Variants in PTPN12 observed in about 807,000 individuals in gnomAD.
The protein encoded by PTPN12 is protein tyrosine phosphatase non-receptor type 12.
PTPN12 carries 29 observed loss-of-function variants against 97.6 expected under a neutral mutation model. That is an observed-to-expected ratio of 0.30 (90% confidence interval 0.22 to 0.41). The LOEUF (loss-of-function observed/expected upper bound fraction) is 0.41. Among genes scored for constraint, PTPN12 ranks in the 10% least tolerant of loss-of-function variants. PTPN12 has a pLI of 1.00. For missense variants in PTPN12, 819 were observed against 926.0 expected (o/e 0.88, Z 1.50); for synonymous variants, 327 against 300.4 (o/e 1.09, Z -0.91).
chr7:77,632,250 A>T, intron 13 of PTPN12, 98 bp from the exon 14 acceptor site: 1 of 915,874 alleles, frequency 1.1e-6, no homozygotes, highest in Non-Finnish European at 1.8e-6. Flanking sequence ...AAACTGATCT[A>T]GATATTTGTG....
chr7:77,624,919 G>A (rs1232135428), intron 12 of PTPN12, among the ~76,000 whole-genome samples: 1 of 151,862 alleles, frequency 6.6e-6, no homozygotes, highest in Admixed American at 6.6e-5. Context: ...CAAATCACTT[G>A]AGGCCAGGAG....
At chr7:77,596,131 T>G (rs1293341468) in intron 6 of PTPN12, among the ~76,000 whole-genome samples, 1 of 152,232 alleles carries the variant, frequency 6.6e-6, no homozygotes, top group Non-Finnish European at 1.5e-5. Context: ...GGTTACTACT[T>G]TGCAGATATT....
intron 6 of PTPN12, among the ~76,000 whole-genome samples, chr7:77,592,746 A>T (rs1787906773): frequency 6.6e-6 from 1 of 152,202 alleles, no homozygotes; most frequent in South Asian, 2.1e-4. Context: ...ATGAAACTTA[A>T]AATGTTTTCT....
At chr7:77,625,474 TCTC>T (rs1213381518) in intron 12 of PTPN12, among the ~76,000 whole-genome samples, 1 of 29,166 alleles carries the variant, frequency 3.4e-5, no homozygotes, top group African/African-American at 1.6e-4. Context: ...GGCTGCTCGC[TCTC>T]TCTCTCTCTC....
At chr7:77,580,150 G>T (rs1275960090) in intron 2 of PTPN12, among the ~76,000 whole-genome samples, 1 of 152,170 alleles carries the variant, frequency 6.6e-6, no homozygotes, top group East Asian at 1.9e-4. Context: ...GGAATTCTCT[G>T]TTACACTAAA....
chr7:77,634,560 C>G (rs1490734308), intron 14 of PTPN12, among the ~76,000 whole-genome samples: 2 of 151,916 alleles, frequency 1.3e-5, no homozygotes, highest in Non-Finnish European at 2.9e-5. Context: ...CTGCCTCAGC[C>G]TCCCATGTAG....
In PTPN12 at chr7:77,546,235, A is replaced by G. The variant is rs148367473; in HGVS notation, c.99+8590A>G. ...TTCACCATGTTCACCAAAAACTCAG[A>G]AGCAAAAATGTGATTAATTCTCACC... is the stretch of plus-strand genomic sequence containing the variant. On this transcript the variant is annotated intron_variant, in intron 1 of 17. Transcript: ENST00000248594. Among the ~76,000 whole-genome samples the G allele has an allele frequency of 5.1e-4, 78 of 152,356 alleles. 1 individual carries two copies. In the East Asian group the frequency reaches 0.015, roughly 29 times the overall value.
At chr7:77,570,094 G>T (rs1808411546) in intron 1 of PTPN12, among the ~76,000 whole-genome samples, 1 of 152,146 alleles carries the variant, frequency 6.6e-6, no homozygotes, top group African/African-American at 2.4e-5. Context: ...CTTTGACATT[G>T]TGCCAGTGCA....
rs1253406174 is a variant in PTPN12, at chr7:77,627,519, G to A, written c.1840G>A (p.Asp614Asn). The A allele has an allele frequency of 2.5e-6, 4 of 1,614,078 alleles. No homozygotes were observed. Among genetic ancestry groups the A allele is most frequent in the African/African-American group, 1.3e-5 (1 of 75,034 alleles). The change falls in exon 13 of 18, where the codon GAT becomes AAT. Residue 614 changes from aspartate (D) to asparagine (N), a missense_variant. Transcript: ENST00000248594. ...CTCAGACTCAGATGAAAGAAACTCT[G>A]ATGGTGCTGTGACCCAGAATAAAAC... The part of the protein sequence containing the change: ...DDSDSDERNS[D>N]GAVTQNKTNI...
chr7:77,634,509 G>A (rs1329730441), intron 14 of PTPN12, among the ~76,000 whole-genome samples: 1 of 151,844 alleles, frequency 6.6e-6, no homozygotes, highest in African/African-American at 2.4e-5. Flanking sequence ...GCACGATCTC[G>A]GCTCACTGCA....
At chr7:77,577,132 G>A (rs752746817) in intron 2 of PTPN12, among the ~76,000 whole-genome samples, 4 of 152,140 alleles carry the variant, frequency 2.6e-5, no homozygotes, top group African/African-American at 7.2e-5. Flanking sequence ...GAGAACAGGC[G>A]GCTACATTTT....
intron 14 of PTPN12, among the ~76,000 whole-genome samples, chr7:77,633,627 A>C (rs2151406330): frequency 6.6e-6 from 1 of 151,376 alleles, no homozygotes; most frequent in East Asian, 2.0e-4. Context: ...AAAAAGTAGC[A>C]CTTATTTATG....
intron 1 of PTPN12, among the ~76,000 whole-genome samples, chr7:77,540,169 C>T (rs146523559): frequency 8.9e-4 from 135 of 152,066 alleles, no homozygotes; most frequent in African/African-American, 3.0e-3. Flanking sequence ...GAGAAGTGGC[C>T]TTAGGGTTCA....
chr7:77,555,605 T>G (rs1416157572), intron 1 of PTPN12, among the ~76,000 whole-genome samples: 1 of 152,154 alleles, frequency 6.6e-6, no homozygotes, highest in Non-Finnish European at 1.5e-5. Flanking sequence ...TTGTTACAGT[T>G]TTTTAAAAAA....
chr7:77,578,937 A>T (rs1787422155), intron 2 of PTPN12, among the ~76,000 whole-genome samples: 1 of 152,126 alleles, frequency 6.6e-6, no homozygotes, highest in South Asian at 2.1e-4. Context: ...TAACCAAGTG[A>T]CCAAGGTTAA....
intron 8 of PTPN12, among the ~76,000 whole-genome samples, chr7:77,605,945 C>CTTTTTTTTTTT (rs10648385): frequency 5.8e-5 from 3 of 51,896 alleles, no homozygotes; most frequent in Non-Finnish European, 3.3e-5. Context: ...CAAGAGCCAT[C>CTTTTTTTTTTT]TTTTTTTTTT....
At chr7:77,557,010 A>G (rs1807749618) in intron 1 of PTPN12, among the ~76,000 whole-genome samples, 1 of 151,790 alleles carries the variant, frequency 6.6e-6, no homozygotes, top group African/African-American at 2.4e-5. Context: ...GCTGTTGTCC[A>G]GGCTGGAGTG....
At chr7:77,626,366 G>A (rs1489574228) in intron 12 of PTPN12, among the ~76,000 whole-genome samples, 2 of 152,196 alleles carry the variant, frequency 1.3e-5, no homozygotes, top group Non-Finnish European at 2.9e-5. Context: ...GAAAATGTGT[G>A]AAACAAAGAT....
chr7:77,609,530 A>G (rs1362052258), intron 9 of PTPN12, among the ~76,000 whole-genome samples: 2 of 151,588 alleles, frequency 1.3e-5, no homozygotes, highest in African/African-American at 4.8e-5. Context: ...TTGGCCTCTC[A>G]AAGTGCTGGG....
Sources: allele counts gnomAD v4.1 joint callset (sites outside exome capture counted in the v4.1 genomes callset), GRCh38; gene constraint gnomAD v4.1.1; transcripts MANE v1.5; gene names NCBI Gene and HGNC (gene_info 2026-07-23, HGNC 2026-07-21).